ARL13B: variants seen among roughly 807,000 people sequenced by gnomAD.
ARL13B encodes ADP-ribosylation factor-like protein 13B.
A neutral mutation model predicts 56.1 loss-of-function variants in ARL13B; 36 were observed. The observed-to-expected ratio is 0.64, with a 90% CI of 0.49 to 0.85. The LOEUF is 0.85. Among genes scored for constraint, ARL13B ranks in the 40% least tolerant of loss-of-function variants. ARL13B has a pLI of 0.00. For synonymous variants in ARL13B, 178 were observed against 171.1 expected, an observed-to-expected ratio of 1.04 and a Z score of -0.32; for missense variants, 519 against 507.1, an observed-to-expected ratio of 1.02 and a Z score of -0.23.
intron 6 of ARL13B, among the ~76,000 whole-genome samples, chr3:94,041,596 A>G (rs2076862943): frequency 1.3e-5 from 2 of 152,320 alleles, no homozygotes; most frequent in Non-Finnish European, 2.9e-5. Context: ...AAAGTTAAAA[A>G]GCAAAAATGA....
At chr3:93,983,915 C>T (rs1710332164) in intron 1 of ARL13B, among the ~76,000 whole-genome samples, 1 of 152,188 alleles carries the variant, frequency 6.6e-6, no homozygotes, top group Admixed American at 6.5e-5. Context: ...CCACATATAA[C>T]TTTTGACTTC....
intron 3 of ARL13B, among the ~76,000 whole-genome samples, chr3:94,025,945 T>A (rs1441343609): frequency 2.0e-5 from 3 of 152,192 alleles, no homozygotes; most frequent in Admixed American, 2.0e-4. Flanking sequence ...TTGCCCAGTG[T>A]AATTAGCTTT....
rs2076749934 is a variant in ARL13B, at chr3:94,035,418, C to G, written c.468C>G (p.His156Gln). 1 of 1,583,956 alleles carries G rather than the reference C, an allele frequency of 6.3e-7. No individual in the cohort carries two copies. The highest frequency in any genetic ancestry group is 1.7e-5 in the Admixed American group (1 of 57,912). Residue 156 changes from histidine (H) to glutamine (Q), a missense_variant, in exon 4 of 10, where the codon CAC (histidine) becomes CAG (glutamine). Coordinates refer to ENST00000394222, the MANE Select transcript of ARL13B (RefSeq NM_001174150.2). Reference protein sequence around the residue: ...CLSLEKLVNEHKCLCQIEPCS... With the variant: ...CLSLEKLVNEQKCLCQIEPCS... The stretch of plus-strand genomic sequence containing the variant: ...CTCTGGAAAAATTGGTCAATGAGCA[C>G]AAGTGCCTGTGTCAGATAGTAAGGT...
chr3:94,038,685 G>A (rs934379747), intron 5 of ARL13B, among the ~76,000 whole-genome samples: 5 of 151,620 alleles, frequency 3.3e-5, no homozygotes, highest in Non-Finnish European at 5.9e-5. Flanking sequence ...CACCACACCC[G>A]GCTAATTTTG....
chr3:94,028,755 A>G lies in ARL13B; in HGVS notation c.381-6576A>G, dbSNP rs1302681970. On this transcript the variant is annotated intron_variant, in intron 3 of 9. Coordinates refer to ENST00000394222, the MANE Select transcript of ARL13B (RefSeq NM_001174150.2). ...ACTGGATCTGCAAATTTAGTCCTAC[A>G]TTGTATATGTAATATATTATTCCAA... 3.3e-5 allele frequency: 5 copies of G among 152,226 alleles called. No homozygotes were observed. In the South Asian group the frequency reaches 6.2e-4, roughly 19 times the overall value. 9.4% of individuals were successfully genotyped at this position (152,226 alleles called of 1,614,324 possible).
At chr3:94,050,260 A>G (rs1387688364) in intron 8 of ARL13B, among the ~76,000 whole-genome samples, 1 of 152,110 alleles carries the variant, frequency 6.6e-6, no homozygotes, top group Non-Finnish European at 1.5e-5. Context: ...TTTTCAATAT[A>G]CATACCCATG....
intron 3 of ARL13B, among the ~76,000 whole-genome samples, chr3:94,030,393 A>AT (rs11299685): frequency 0.058 from 6,951 of 119,884 alleles, 291 homozygotes; most frequent in Non-Finnish European, 0.091. Context: ...CGCCTGGCTC[A>AT]TTTTTTTTTT....
At chr3:94,032,274 C>G (rs2076689274) in intron 3 of ARL13B, among the ~76,000 whole-genome samples, 1 of 152,118 alleles carries the variant, frequency 6.6e-6, no homozygotes, top group East Asian at 1.9e-4. Context: ...AGAAGACATA[C>G]AGATGGCCAA....
rs533318166 is a variant in ARL13B at position 93,994,942 on chromosome 3, T to C, written c.60-932T>C. ...GATGATTACTAAAGAGGAATAACTATACTCCATAGGAGATTGGCCATACCC... is the reference window on the plus strand; with the variant it reads ...GATGATTACTAAAGAGGAATAACTACACTCCATAGGAGATTGGCCATACCC... On this transcript the variant is annotated intron_variant, in intron 1 of 9. Coordinates refer to ENST00000394222, the MANE Select transcript of ARL13B (RefSeq NM_001174150.2). Among the ~76,000 whole-genome samples, 32 of 152,264 alleles carry C rather than the reference T, an allele frequency of 2.1e-4. 1 individual carries two copies. Among genetic ancestry groups the C allele is most frequent in the African/African-American group, 6.3e-4 (26 of 41,558 alleles).
chr3:94,037,419 G>A (rs959403162), intron 5 of ARL13B, among the ~76,000 whole-genome samples: 2 of 152,052 alleles, frequency 1.3e-5, no homozygotes. Context: ...TCCTTATACC[G>A]TGAAGGAAAT....
At chr3:94,026,225 G>T (rs1007535560) in intron 3 of ARL13B, among the ~76,000 whole-genome samples, 1 of 152,012 alleles carries the variant, frequency 6.6e-6, no homozygotes, top group African/African-American at 2.4e-5. Context: ...TTCACCGTGT[G>T]AGCCAGGAGA....
At chr3:93,991,735 A>C (rs1439004966) in intron 1 of ARL13B, among the ~76,000 whole-genome samples, 1 of 151,924 alleles carries the variant, frequency 6.6e-6, no homozygotes. Flanking sequence ...ATAAATTATA[A>C]CCTCTTTATA....
intron 7 of ARL13B, among the ~76,000 whole-genome samples, chr3:94,043,711 G>A (rs757313530): frequency 9.6e-6 from 1 of 104,028 alleles, no homozygotes; most frequent in Admixed American, 1.2e-4. Flanking sequence ...AGCCTGGACT[G>A]TACTGCCATG....
chr3:93,989,994 T>TG (rs1553826956), intron 1 of ARL13B, among the ~76,000 whole-genome samples: 2 of 151,936 alleles, frequency 1.3e-5, no homozygotes, highest in African/African-American at 4.8e-5. Flanking sequence ...GTATCTCTTT[T>TG]TTTTGTTTTG....
Position 94,053,543 on chromosome 3 carries a change from G to A in ARL13B, c.*280G>A. ...CTCTGGTTTATACATCCCCACTCAT[G>A]AGCATACTTCTGAAGGAAAACTTTA... On this transcript the variant is annotated 3_prime_UTR_variant, in exon 10 of 10. Transcript: ENST00000394222. 1 of 566,474 alleles carries A rather than the reference G, an allele frequency of 1.8e-6. No homozygotes were observed. The highest frequency in any genetic ancestry group is 3.3e-6 in the Non-Finnish European group (1 of 300,462). 35.1% of individuals were successfully genotyped at this position (566,474 alleles called of 1,614,324 possible).
chr3:94,005,388 C>A (rs139946802), intron 3 of ARL13B, among the ~76,000 whole-genome samples: 3 of 152,062 alleles, frequency 2.0e-5, no homozygotes, highest in Non-Finnish European at 4.4e-5. Flanking sequence ...TCCTAATAGG[C>A]CTTATTGAGA....
intron 3 of ARL13B, among the ~76,000 whole-genome samples, chr3:94,031,586 G>A (rs1387181789): frequency 1.3e-5 from 2 of 152,058 alleles, no homozygotes; most frequent in East Asian, 1.9e-4. Flanking sequence ...CTTAAAAAGA[G>A]CAATAACTGC....
Position 94,055,257 on chromosome 3 carries a change from A to G in ARL13B, c.*1994A>G, listed in dbSNP as rs1251962171. 4.8e-6 allele frequency: 2 copies of G among 413,690 alleles called. No individual in the cohort carries two copies. The highest frequency in any genetic ancestry group is 9.4e-6 in the Non-Finnish European group (2 of 212,950). The allele number at this position is 413,690 out of a possible 1,614,324, so 25.6% of individuals were successfully genotyped here. The stretch of plus-strand genomic sequence containing the variant: ...TAATTCTGAATTTTGACATTTTCAC[A>G]CAATAAAAATAATTTATATCAATAT... On this transcript the variant is annotated 3_prime_UTR_variant, in exon 10 of 10. Transcript: ENST00000394222.
chr3:94,011,224 G>A (rs762128530), intron 3 of ARL13B, among the ~76,000 whole-genome samples: 3 of 151,782 alleles, frequency 2.0e-5, no homozygotes, highest in Non-Finnish European at 4.4e-5. Context: ...TTCATCATAC[G>A]TACCTGGAAA....
Sources: gnomAD v4.1 joint callset for allele counts (sites outside exome capture counted in the v4.1 genomes callset) on GRCh38, gnomAD v4.1.1 for gene constraint, MANE v1.5 for transcripts, NCBI Gene and HGNC (gene_info 2026-07-23, HGNC 2026-07-21) for gene names.